IRF2: variants seen among roughly 807,000 people sequenced by gnomAD.
IRF2 encodes the protein interferon regulatory factor 2.
IRF2 carries 15 observed loss-of-function variants against 40.6 expected under a neutral mutation model. That is an observed-to-expected ratio of 0.37 (90% CI 0.25 to 0.57). The LOEUF is 0.57. Among genes scored for constraint, IRF2 ranks in the 20% least tolerant of loss-of-function variants. The pLI is 0.77. For synonymous variants in IRF2, 151 were observed against 165.5 expected, an observed-to-expected ratio of 0.91 and a Z score of 0.67; for missense variants, 317 against 455.7, an observed-to-expected ratio of 0.70 and a Z score of 2.77.
intron 7 of IRF2, among the ~76,000 whole-genome samples, chr4:184,391,815 C>T: frequency 6.6e-6 from 1 of 152,240 alleles, no homozygotes. Context: ...GGCCTGCCAG[C>T]TGTGAGACAC....
At chr4:184,434,553 T>C (rs1321234731) in intron 1 of IRF2, among the ~76,000 whole-genome samples, 2 of 152,246 alleles carry the variant, frequency 1.3e-5, no homozygotes, top group African/African-American at 4.8e-5. Context: ...CCCTGGAGCC[T>C]GACGAAAGGC....
chr4:184,461,760 T>C (rs1319413783), intron 1 of IRF2, among the ~76,000 whole-genome samples: 1 of 126,188 alleles, frequency 7.9e-6, no homozygotes, highest in Non-Finnish European at 1.6e-5. Context: ...AAAATCGCAA[T>C]GCATTAAAAG....
At chr4:184,473,913 CACAA>C (rs1739626986) in intron 1 of IRF2, 1 of 152,206 alleles carries the variant, frequency 6.6e-6, no homozygotes, top group African/African-American at 2.4e-5. Context: ...CGCGCGCACA[CACAA>C]ACACGCACAT....
intron 7 of IRF2, 56 bp downstream of exon 7, chr4:184,398,859 C>T (rs1736565188): frequency 3.3e-6 from 5 of 1,514,932 alleles, no homozygotes; most frequent in Middle Eastern, 2.4e-4. Context: ...TGACCCTAGA[C>T]CAAAGGACTG....
intron 1 of IRF2, among the ~76,000 whole-genome samples, chr4:184,429,698 C>A (rs1474407126): frequency 1.3e-5 from 2 of 152,204 alleles, no homozygotes; most frequent in Non-Finnish European, 2.9e-5. Flanking sequence ...AATGCAGTCT[C>A]TCACCCAAGT....
intron 7 of IRF2, among the ~76,000 whole-genome samples, chr4:184,394,547 T>G (rs1214087898): frequency 6.6e-6 from 1 of 152,210 alleles, no homozygotes; most frequent in Non-Finnish European, 1.5e-5. Context: ...CGATTGTGTC[T>G]TTGCTCTGCC....
At chr4:184,473,367 G>A (rs1282984666) in intron 1 of IRF2, among the ~76,000 whole-genome samples, 2 of 148,042 alleles carry the variant, frequency 1.4e-5, no homozygotes, top group African/African-American at 4.9e-5. Flanking sequence ...GTCAGGCCCA[G>A]CGCGCGAGGC....
chr4:184,409,305 C>G (rs1197654061), intron 5 of IRF2, among the ~76,000 whole-genome samples: 1 of 152,132 alleles, frequency 6.6e-6, no homozygotes, highest in Non-Finnish European at 1.5e-5. Flanking sequence ...TTATACACTA[C>G]TTGGAATCAA....
Position 184,388,472 on chromosome 4 carries a change from C to T in IRF2, c.*286G>A. 2.4e-6 allele frequency: 1 copy of T among 418,634 alleles called. No individual in the cohort carries two copies. The highest frequency in any genetic ancestry group is 4.3e-5 in the Admixed American group (1 of 23,068). 25.9% of individuals were successfully genotyped at this position (418,634 alleles called of 1,614,324 possible). On this transcript the variant is annotated 3_prime_UTR_variant, in exon 9 of 9. Coordinates refer to ENST00000393593, the MANE Select transcript of IRF2 (RefSeq NM_002199.4). The surrounding 1 kb of genome is among the most constrained non-coding windows in gnomAD (Gnocchi z 4.6). ...ATCCACTCCACCTTGCTGGCCTTGACCGCAGGCAATGCAGCACCTCCACTG... is the reference window on the plus strand; with the variant it reads ...ATCCACTCCACCTTGCTGGCCTTGATCGCAGGCAATGCAGCACCTCCACTG...
chr4:184,463,454 G>A (rs1265527384), intron 1 of IRF2, among the ~76,000 whole-genome samples: 1 of 152,134 alleles, frequency 6.6e-6, no homozygotes, highest in Non-Finnish European at 1.5e-5. Context: ...TACTCAGTAT[G>A]AAAAATGGAT....
chr4:184,445,966 A>G (rs1014839584), intron 1 of IRF2, among the ~76,000 whole-genome samples: 7 of 152,280 alleles, frequency 4.6e-5, no homozygotes, highest in African/African-American at 1.4e-4. Flanking sequence ...GTGTCCTTTT[A>G]AGAAGAGGGA....
rs1561103989 is a variant in IRF2 at position 184,425,988 on chromosome 4, TTGTTTG to T, written c.87+2984_87+2989del. The stretch of plus-strand genomic sequence containing the variant: ...AGGGCTCACTCCGGTTTTTGTTTGT[TTGTTTG>T]TTTGTTTGTTTGTTTGTTTGTTTTT... On this transcript the variant is annotated intron_variant, in intron 2 of 8. Transcript: ENST00000393593. Among the ~76,000 whole-genome samples, 148 of 148,956 alleles carry T rather than the reference TTGTTTG, an allele frequency of 9.9e-4. 1 individual carries two copies. Among genetic ancestry groups the T allele is most frequent in the African/African-American group, 3.3e-3 (134 of 40,724 alleles).
chr4:184,446,806 T>A (rs924267097), intron 1 of IRF2, among the ~76,000 whole-genome samples: 3 of 151,622 alleles, frequency 2.0e-5, no homozygotes, highest in South Asian at 2.1e-4. Flanking sequence ...AAAAAAAAAA[T>A]TAGCCAGGCG....
intron 7 of IRF2, among the ~76,000 whole-genome samples, chr4:184,393,643 C>T (rs547779283): frequency 6.6e-6 from 1 of 152,288 alleles, no homozygotes; most frequent in African/African-American, 2.4e-5. Context: ...ACACATGCTC[C>T]GAACTTATGT....
intron 6 of IRF2, chr4:184,407,312 T>G (rs1341215170): frequency 8.4e-7 from 1 of 1,197,074 alleles, no homozygotes; most frequent in African/African-American, 1.6e-5. Flanking sequence ...AAAAAGGAGT[T>G]TTTTCTTCTC....
At chr4:184,473,020 G>T (rs994836912) in intron 1 of IRF2, among the ~76,000 whole-genome samples, 2 of 152,162 alleles carry the variant, frequency 1.3e-5, no homozygotes, top group African/African-American at 4.8e-5. Flanking sequence ...ACTTGGAACG[G>T]CTTCCCCAGC....
At position 184,421,769 on chromosome 4, in the gene IRF2, C is replaced by T. The variant is rs190064384; in HGVS notation, c.88-2201G>A. On this transcript the variant is annotated intron_variant, in intron 2 of 8. Transcript: ENST00000393593. The stretch of plus-strand genomic sequence containing the variant: ...CAACCAAACCTAGTCCCACAGAAAC[C>T]GCAAAAGCCATGCAACTACAAAAGC... Among the ~76,000 whole-genome samples the T allele has an allele frequency of 5.9e-5, 9 of 152,258 alleles. No homozygotes were observed. The East Asian group carries it at 1.4e-3, about 23-fold the overall frequency.
chr4:184,404,286 CTG>C (rs766365746), intron 6 of IRF2, among the ~76,000 whole-genome samples: 7 of 152,284 alleles, frequency 4.6e-5, no homozygotes, highest in Non-Finnish European at 7.4e-5. Context: ...GAAATTTCCC[CTG>C]ACCCCTCTGA....
intron 1 of IRF2, among the ~76,000 whole-genome samples, chr4:184,442,389 C>G (rs994887949): frequency 3.3e-5 from 5 of 152,160 alleles, no homozygotes; most frequent in Admixed American, 2.0e-4. Flanking sequence ...CACCTGGATG[C>G]AGATGAATCA....
Sources: allele counts gnomAD v4.1 joint callset (sites outside exome capture counted in the v4.1 genomes callset), GRCh38; gene constraint gnomAD v4.1.1; non-coding constraint Gnocchi (gnomAD v3.1); transcripts MANE v1.5; gene names NCBI Gene and HGNC (gene_info 2026-07-23, HGNC 2026-07-21).